FSHR: variants seen among roughly 807,000 people sequenced by gnomAD.
The protein encoded by FSHR is follicle stimulating hormone receptor.
In FSHR, 46 loss-of-function variants were observed where a neutral mutation model predicts 52.1. That is an observed-to-expected ratio of 0.88 (90% CI 0.70 to 1.13). The LOEUF is 1.13. FSHR is among the 50% of genes most tolerant of loss of function. FSHR has a pLI of 0.00. For synonymous variants in FSHR, 399 were observed against 309.6 expected, an observed-to-expected ratio of 1.29 and a Z score of -3.03; for missense variants, 964 against 834.6, an observed-to-expected ratio of 1.16 and a Z score of -1.91.
rs533324497 is a variant in FSHR, at chr2:49,073,836, T to G, written c.153-5546A>C. Among the ~76,000 whole-genome samples, 7 of 151,868 alleles carry G rather than the reference T, an allele frequency of 4.6e-5. No individual in the cohort carries two copies. In the Middle Eastern group the frequency reaches 0.01, roughly 221 times the overall value. On this transcript the variant is annotated intron_variant, in intron 1 of 9. Transcript: ENST00000406846. ...AAACAACAAGGTATTGGCATGAAAA[T>G]AGAAACATAGACCAGAAGAACAGAC... is the stretch of plus-strand genomic sequence containing the variant.
intron 2 of FSHR, among the ~76,000 whole-genome samples, chr2:49,034,827 T>C (rs1348955349): frequency 6.6e-6 from 1 of 152,142 alleles, no homozygotes; most frequent in Non-Finnish European, 1.5e-5. Context: ...CCCAGAGCTA[T>C]TAGTCTAGAC....
intron 1 of FSHR, among the ~76,000 whole-genome samples, chr2:49,079,101 C>T (rs757506080): frequency 3.3e-5 from 5 of 151,946 alleles, no homozygotes; most frequent in Admixed American, 6.6e-5. Context: ...AAATAACCCC[C>T]CCATATTATT....
At chr2:48,995,523 G>A (rs1000562099) in intron 4 of FSHR, among the ~76,000 whole-genome samples, 9 of 152,074 alleles carry the variant, frequency 5.9e-5, no homozygotes, top group Non-Finnish European at 1.3e-4. Context: ...AAGGCAGGGA[G>A]GAGGCAGGAT....
At chr2:49,132,844 C>G (rs766266900) in intron 1 of FSHR, among the ~76,000 whole-genome samples, 3 of 151,892 alleles carry the variant, frequency 2.0e-5, no homozygotes, top group Non-Finnish European at 4.4e-5. Context: ...CTGTCCTGTT[C>G]CACGGTGAAA....
In FSHR at chr2:48,968,823, C is replaced by T. The variant is rs1478561773; in HGVS notation, c.729G>A (p.Lys243=). ...LPSYGLENLK[K]LRARSTYNLK... is the part of the protein sequence containing the mutation. ...AGTTGTAAGTCGACCTGGCCCTCAG[C>T]TTCTTAAGATTTTCTAAGCCATAGC... Residue 243 remains lysine, a synonymous_variant, in exon 9 of 10, where the codon AAG becomes AAA. Coordinates refer to ENST00000406846, the MANE Select transcript of FSHR (RefSeq NM_000145.4). The T allele has an allele frequency of 6.2e-7, 1 of 1,614,068 alleles. No homozygotes were observed. The highest frequency in any genetic ancestry group is 8.5e-7 in the Non-Finnish European group (1 of 1,180,004).
At chr2:49,141,041 C>G (rs1223085394) in intron 1 of FSHR, among the ~76,000 whole-genome samples, 1 of 152,172 alleles carries the variant, frequency 6.6e-6, no homozygotes, top group Non-Finnish European at 1.5e-5. Flanking sequence ...AAGTTGGAGC[C>G]AGCCCTGATA....
At chr2:49,053,055 T>G (rs532942182) in intron 2 of FSHR, among the ~76,000 whole-genome samples, 3 of 152,350 alleles carry the variant, frequency 2.0e-5, no homozygotes, top group African/African-American at 4.8e-5. Flanking sequence ...CCCAGTGATC[T>G]GGGGGTGGAG....
chr2:49,140,735 T>C (rs1672655942), intron 1 of FSHR, among the ~76,000 whole-genome samples: 1 of 151,722 alleles, frequency 6.6e-6, no homozygotes, highest in African/African-American at 2.4e-5. Context: ...AAGGTACAGT[T>C]CCCCACATCT....
Position 49,073,813 on chromosome 2 carries a change from A to G in FSHR, c.153-5523T>C, listed in dbSNP as rs34377498. 9.4e-3 allele frequency among the ~76,000 whole-genome samples: 1,427 copies of G among 152,268 alleles called. 11 individuals are homozygous for G. Among genetic ancestry groups the G allele is most frequent in the Non-Finnish European group, 0.016 (1,093 of 67,968 alleles). On this transcript the variant is annotated intron_variant, in intron 1 of 9. Coordinates refer to ENST00000406846, the MANE Select transcript of FSHR (RefSeq NM_000145.4). ...ATACTACAAAGCTATAGTAACCAAAACAACAAGGTATTGGCATGAAAATAG... is the reference window on the plus strand; with the variant it reads ...ATACTACAAAGCTATAGTAACCAAAGCAACAAGGTATTGGCATGAAAATAG...
At chr2:49,022,951 C>G (rs1217415362) in intron 2 of FSHR, among the ~76,000 whole-genome samples, 1 of 152,106 alleles carries the variant, frequency 6.6e-6, no homozygotes, top group African/African-American at 2.4e-5. Flanking sequence ...AAGGTCTTGA[C>G]TGGGGCCTGA....
chr2:48,970,732 T>C lies in FSHR; in HGVS notation c.669-1849A>G, dbSNP rs6745854. Among the ~76,000 whole-genome samples the C allele has an allele frequency of 4.8e-3, 732 of 152,320 alleles. 7 individuals carry two copies. The highest frequency in any genetic ancestry group is 0.016 in the African/African-American group (672 of 41,564). On this transcript the variant is annotated intron_variant, in intron 8 of 9. Transcript: ENST00000406846. The stretch of plus-strand genomic sequence containing the variant: ...TGTTCTTTGAACTCCACCATTTTGA[T>C]GACTTGCATCAAAACTGAAGTTACC...
intron 4 of FSHR, among the ~76,000 whole-genome samples, chr2:49,003,092 C>T (rs1329302500): frequency 6.6e-6 from 1 of 152,134 alleles, no homozygotes; most frequent in Non-Finnish European, 1.5e-5. Flanking sequence ...GGATTGTTTT[C>T]TGTGGGTGAG....
rs556260390 is a variant in FSHR at position 49,132,308 on chromosome 2, G to C, written c.152+21958C>G. 3.3e-5 allele frequency among the ~76,000 whole-genome samples: 5 copies of C among 152,230 alleles called. No individual in the cohort carries two copies. The South Asian group carries it at 8.3e-4, about 25-fold the overall frequency. On this transcript the variant is annotated intron_variant, in intron 1 of 9. Transcript: ENST00000406846. The stretch of plus-strand genomic sequence containing the variant: ...GTGAAATTACTTCAGTCAATGTTCA[G>C]GACTGTAAATACTCAGGGAAAAGGT...
At chr2:49,143,123 G>A (rs1672749634) in intron 1 of FSHR, among the ~76,000 whole-genome samples, 1 of 152,168 alleles carries the variant, frequency 6.6e-6, no homozygotes, top group South Asian at 2.1e-4. Context: ...GAGAACAGAT[G>A]CACAACAGAA....
chr2:49,088,053 G>A (rs2103680978), intron 1 of FSHR, among the ~76,000 whole-genome samples: 1 of 152,242 alleles, frequency 6.6e-6, no homozygotes, highest in South Asian at 2.1e-4. Context: ...ATCCATACTT[G>A]TGTCCACTTA....
At chr2:49,010,430 C>A (rs1667227092) in intron 4 of FSHR, among the ~76,000 whole-genome samples, 1 of 152,078 alleles carries the variant, frequency 6.6e-6, no homozygotes, top group Admixed American at 6.6e-5. Flanking sequence ...TTCAGTTTGC[C>A]AGTATTTTAT....
chr2:49,011,696 C>G (rs1057450321), intron 4 of FSHR, among the ~76,000 whole-genome samples: 2 of 151,936 alleles, frequency 1.3e-5, no homozygotes, highest in Non-Finnish European at 1.5e-5. Context: ...AAAGTTAAGC[C>G]GATTATACAA....
intron 2 of FSHR, among the ~76,000 whole-genome samples, chr2:49,024,368 A>G (rs1667846757): frequency 6.6e-6 from 1 of 152,126 alleles, no homozygotes; most frequent in Non-Finnish European, 1.5e-5. Flanking sequence ...TGAGGTCAGG[A>G]GTTTGAGACC....
intron 1 of FSHR, among the ~76,000 whole-genome samples, chr2:49,097,186 C>CT (rs1159880615): frequency 6.6e-5 from 10 of 152,058 alleles, no homozygotes; most frequent in Non-Finnish European, 1.3e-4. Flanking sequence ...TCAGTAAATT[C>CT]TTTTTTTCTG....
Sources: gnomAD v4.1 joint callset for allele counts (sites outside exome capture counted in the v4.1 genomes callset) on GRCh38, gnomAD v4.1.1 for gene constraint, MANE v1.5 for transcripts, NCBI Gene and HGNC (gene_info 2026-07-23, HGNC 2026-07-21) for gene names.